ZSCAN18: variants seen among roughly 807,000 people sequenced by gnomAD.
ZSCAN18 encodes the protein zinc finger and SCAN domain-containing protein 18.
In ZSCAN18, 16 loss-of-function variants were observed where a neutral mutation model predicts 31.1. The ratio of observed to expected loss-of-function variants is 0.51; its 90% CI spans 0.35 to 0.78. ZSCAN18 has a LOEUF of 0.78. Ranked by LOEUF, ZSCAN18 falls within the 30% of genes least tolerant of loss-of-function variation. ZSCAN18 has a pLI of 0.01. For missense variants in ZSCAN18, 731 were observed against 697.4 expected (o/e 1.05, Z -0.54); for synonymous variants, 375 against 320.7 (o/e 1.17, Z -1.81).
At chr19:58,112,629 C>A (rs534568217) in intron 1 of ZSCAN18, among the ~76,000 whole-genome samples, 31 of 129,656 alleles carry the variant, frequency 2.4e-4, no homozygotes, top group Middle Eastern at 7.9e-3. Flanking sequence ...CCAGCCTGGG[C>A]GACAGAGCAA....
rs775615636 is a variant in ZSCAN18, at chr19:58,090,025, C to G, written c.243G>C (p.Glu81Asp). Residue 81 changes from glutamate (E) to aspartate (D), a missense_variant, in exon 2 of 7, where the codon GAG (glutamate) becomes GAC (aspartate). Glu to Asp is a conservative substitution (Grantham distance 45). This residue lies in a region of ZSCAN18 where 86 missense variants were observed against 119.1 expected (regional missense o/e 0.72). Coordinates refer to ENST00000601144, the MANE Select transcript of ZSCAN18 (RefSeq NM_001145543.2). This position sits in a 1 kb window ranked among gnomAD's most constrained non-coding sequence, Gnocchi z 4.7. ...CCAGCATCTGCTCCTTGGAGCGCGC[C>G]TCAGGCATCAGCCACTGGCGGCACA... Reference protein sequence around the residue: ...HELCRQWLMPEARSKEQMLEL... With the variant: ...HELCRQWLMPDARSKEQMLEL... The G allele has an allele frequency of 3.1e-6, 5 of 1,614,032 alleles. No individual in the cohort carries two copies. The Middle Eastern group carries it at 5.0e-4, about 160-fold the overall frequency.
intron 1 of ZSCAN18, among the ~76,000 whole-genome samples, chr19:58,093,743 C>T (rs1216483153): frequency 1.3e-5 from 2 of 152,222 alleles, no homozygotes; most frequent in East Asian, 3.9e-4. Flanking sequence ...AGGTAATGTC[C>T]TAATGTTTCT....
intron 1 of ZSCAN18, among the ~76,000 whole-genome samples, chr19:58,105,308 GTGTATTCTGCAGCCCA>G (rs1418758635): frequency 3.3e-5 from 5 of 152,166 alleles, no homozygotes; most frequent in Non-Finnish European, 5.9e-5. Context: ...CCAACACAAC[GTGTATTCTGCAGCCCA>G]TGGACCAAGG....
At chr19:58,112,184 G>A (rs2074688853) in intron 1 of ZSCAN18, among the ~76,000 whole-genome samples, 1 of 152,140 alleles carries the variant, frequency 6.6e-6, no homozygotes, top group African/African-American at 2.4e-5. Context: ...ACATGCACAA[G>A]GCAAGATTCC....
intron 1 of ZSCAN18, among the ~76,000 whole-genome samples, chr19:58,097,465 T>G (rs2074540933): frequency 6.6e-6 from 1 of 150,804 alleles, no homozygotes; most frequent in Non-Finnish European, 1.5e-5. Context: ...GTCTCCGGGG[T>G]GGGCGCAGAC....
At chr19:58,108,566 G>A (rs1378846048) in intron 1 of ZSCAN18, 32 of 985,706 alleles carry the variant, frequency 3.2e-5, no homozygotes, top group Non-Finnish European at 3.7e-5. Context: ...TTCTTAGAGA[G>A]GGATTTTCCA....
intron 1 of ZSCAN18, among the ~76,000 whole-genome samples, chr19:58,113,176 TGTG>T (rs1238739410): frequency 6.8e-6 from 1 of 148,012 alleles, no homozygotes; most frequent in African/African-American, 2.5e-5. Context: ...ATTAGCCAGG[TGTG>T]GTGGCGGGCA....
chr19:58,118,410 TC>T (rs1229633412), upstream of ZSCAN18: 3 of 1,490,876 alleles, frequency 2.0e-6, no homozygotes, highest in Non-Finnish European at 2.7e-6. Context: ...CGCGCAGAGT[TC>T]CCGGATGCGA....
chr19:58,113,706 C>T (rs896252745), intron 1 of ZSCAN18, among the ~76,000 whole-genome samples: 1 of 152,146 alleles, frequency 6.6e-6, no homozygotes, highest in African/African-American at 2.4e-5. Flanking sequence ...TGGCTGGACG[C>T]AGTGGCTCAC....
At chr19:58,086,857 C>T (rs373548618) in intron 5 of ZSCAN18, 49 bp downstream of exon 5, 9 of 1,466,886 alleles carry the variant, frequency 6.1e-6, no homozygotes, top group East Asian at 2.3e-5. Context: ...CCAACCCCTG[C>T]GGAAGGGGAT....
intron 1 of ZSCAN18, among the ~76,000 whole-genome samples, chr19:58,114,444 G>C (rs202025205): frequency 2.0e-4 from 2 of 9,886 alleles, no homozygotes. Context: ...ACATATTTAT[G>C]AGTAAAGTGT....
At chr19:58,112,320 C>A (rs1390805570) in intron 1 of ZSCAN18, among the ~76,000 whole-genome samples, 1 of 152,086 alleles carries the variant, frequency 6.6e-6, no homozygotes, top group South Asian at 2.1e-4. Context: ...CAGGTGTGAG[C>A]CATTGCGTCT....
chr19:58,090,261 G>C lies in ZSCAN18; in HGVS notation c.7C>G (p.Pro3Ala), dbSNP rs762616029. 6.2e-7 allele frequency: 1 copy of C among 1,613,508 alleles called. No individual in the cohort carries two copies. Among genetic ancestry groups the C allele is most frequent in the Non-Finnish European group, 8.5e-7 (1 of 1,180,024 alleles). ML[P>A]LEKAFASPRS... The stretch of plus-strand genomic sequence containing the variant: ...GGGGAGGCAAACGCCTTCTCCAAAG[G>C]CAACATCTTTCCAAAACGGCACTGG... The change falls in exon 2 of 7, where the codon CCT becomes GCT. Residue 3 changes from proline to alanine, a missense_variant. Coordinates refer to ENST00000601144, the MANE Select transcript of ZSCAN18 (RefSeq NM_001145543.2). The surrounding 1 kb of genome is among the most constrained non-coding windows in gnomAD (Gnocchi z 4.7).
rs563976987 is a variant in ZSCAN18 at position 58,090,979 on chromosome 19, C to G, written c.-119-593G>C. On this transcript the variant is annotated intron_variant, in intron 1 of 6. Coordinates refer to ENST00000601144, the MANE Select transcript of ZSCAN18 (RefSeq NM_001145543.2). The surrounding 1 kb of genome is among the most constrained non-coding windows in gnomAD (Gnocchi z 4.7). ...TCTATGTAAACCTGGATGTAAAAAC[C>G]TTGAAATAGGCCAGGCGCGGTGGCT... Among the ~76,000 whole-genome samples, 9 of 151,832 alleles carry G rather than the reference C, an allele frequency of 5.9e-5. No homozygotes were observed. In the South Asian group the frequency reaches 1.3e-3, roughly 21 times the overall value.
At chr19:58,109,418 G>A in intron 1 of ZSCAN18, 1 of 1,147,192 alleles carries the variant, frequency 8.7e-7, no homozygotes, top group Non-Finnish European at 1.1e-6. Context: ...ATCTGATGCT[G>A]TGCCCATTCT....
intron 1 of ZSCAN18, among the ~76,000 whole-genome samples, chr19:58,093,802 G>A (rs1052403381): frequency 6.6e-6 from 1 of 151,774 alleles, no homozygotes; most frequent in African/African-American, 2.4e-5. Flanking sequence ...GTCTCGCCCT[G>A]TCACCCACGC....
At chr19:58,106,703 CAAAAAA>C (rs1225360206) in intron 1 of ZSCAN18, among the ~76,000 whole-genome samples, 1 of 1,876 alleles carries the variant, frequency 5.3e-4, no homozygotes, top group Admixed American at 8.3e-3. Context: ...GACTCCGTCT[CAAAAAA>C]AAAAAAAAAA....
intron 1 of ZSCAN18, among the ~76,000 whole-genome samples, chr19:58,104,435 A>T (rs56270398): frequency 0.064 from 9,697 of 151,324 alleles, 1,057 homozygotes; most frequent in African/African-American, 0.22. Flanking sequence ...GTGGTGGCTC[A>T]TGCCTGTAAT....
In ZSCAN18 at chr19:58,089,915, T is replaced by C. The variant is rs754660644; in HGVS notation, c.353A>G (p.Lys118Arg). ...GCCCTCCACCAGGGAGGCTGCCTTC[T>C]TGCAGCTCTCAGGGTACTGTGCCAC... Reference protein sequence around the residue: ...WVVAQYPESCKKAASLVEGLA... With the variant: ...WVVAQYPESCRKAASLVEGLA... Residue 118 changes from lysine (K) to arginine (R), a missense_variant, in exon 2 of 7, where the codon AAG (lysine) becomes AGG (arginine). By Grantham distance (26) the Lys-to-Arg change is conservative (BLOSUM62 2). Around this residue, in one of 4 missense-constraint regions of ZSCAN18, gnomAD observed 46 missense variants for 60.6 expected, o/e 0.76. Coordinates refer to ENST00000601144, the MANE Select transcript of ZSCAN18 (RefSeq NM_001145543.2). The C allele has an allele frequency of 3.1e-5, 50 of 1,613,674 alleles. No individual in the cohort carries two copies. The highest frequency in any genetic ancestry group is 4.1e-5 in the Non-Finnish European group (48 of 1,179,766).
Sources: allele counts gnomAD v4.1 joint callset (sites outside exome capture counted in the v4.1 genomes callset), GRCh38; gene constraint gnomAD v4.1.1; regional missense constraint gnomAD v4.1.1; non-coding constraint Gnocchi (gnomAD v3.1); transcripts MANE v1.5; gene names NCBI Gene and HGNC (gene_info 2026-07-23, HGNC 2026-07-21).